Variants in BRCA1 observed in about 807,000 individuals in gnomAD.
BRCA1 encodes breast cancer type 1 susceptibility protein.
In BRCA1, 140 loss-of-function variants were observed where a neutral mutation model predicts 173.7. The ratio of observed to expected loss-of-function variants is 0.81; its 90% CI spans 0.70 to 0.93. The LOEUF (loss-of-function observed/expected upper bound fraction) is 0.93. BRCA1 is among the 40% of genes least tolerant of loss of function. The pLI, the probability that BRCA1 is intolerant of heterozygous loss-of-function variation, is 0.00. For synonymous variants in BRCA1, 662 were observed against 756.0 expected (o/e 0.88, Z 2.04); for missense variants, 1,983 against 2,172.5 (o/e 0.91, Z 1.73).
In BRCA1 at chr17:43,045,172, G is replaced by A. The variant is rs2152376911; in HGVS notation, c.*506C>T. The A allele has an allele frequency of 1.9e-6, 1 of 535,406 alleles. No homozygotes were observed. Among genetic ancestry groups the A allele is most frequent in the Admixed American group, 2.2e-5 (1 of 45,080 alleles). 33.2% of individuals were successfully genotyped at this position (535,406 alleles called of 1,614,324 possible). A position where few individuals can be genotyped will look rare whatever the true frequency, so the allele number is the denominator to read the frequency against. ...TCCCCAATGTTCCACTCCAACATTT[G>A]AGAACTGCCCAAGGACTATTCTGAC... On this transcript the variant is annotated 3_prime_UTR_variant, in exon 23 of 23. Transcript: ENST00000357654.
Position 43,094,492 on chromosome 17 carries a change from G to A in BRCA1, c.1039C>T (p.Leu347=), listed in dbSNP as rs1378561919. The change falls in exon 10 of 23, where the codon CTG becomes TTG. Residue 347 remains leucine, a synonymous_variant. Transcript: ENST00000357654. ...TTATTCCATTCTTTTCTCTCACACA[G>A]GGGATCAGCATTCAGATCTACCTTT... ...EKKVDLNADP[L]CERKEWNKQK... 6.2e-7 allele frequency: 1 copy of A among 1,613,950 alleles called. No individual in the cohort carries two copies.
At chr17:43,134,527 G>A (rs1410628124) in intron 1 of BRCA1, among the ~76,000 whole-genome samples, 2 of 152,208 alleles carry the variant, frequency 1.3e-5, no homozygotes, top group South Asian at 2.1e-4. Context: ...AGCCACCAAG[G>A]ATCATGCTGT....
chr17:43,114,943 AAT>A (rs1416197409), intron 3 of BRCA1, among the ~76,000 whole-genome samples: 2 of 152,198 alleles, frequency 1.3e-5, no homozygotes, highest in Non-Finnish European at 2.9e-5. Context: ...CAAATACGTA[AAT>A]ATAACTTGAA....
chr17:43,164,126 T>C (rs1431762676), intron 1 of BRCA1: 2 of 152,238 alleles, frequency 1.3e-5, no homozygotes, highest in East Asian at 1.9e-4. Context: ...ATTTGCATCT[T>C]GGTATCCTGT....
In BRCA1 at chr17:43,045,548, G is replaced by A; in HGVS notation, c.*130C>T. The A allele has an allele frequency of 1.4e-6, 2 of 1,381,230 alleles. No individual in the cohort carries two copies. Among genetic ancestry groups the A allele is most frequent in the Non-Finnish European group, 2.0e-6 (2 of 990,450 alleles). The allele number at this position is 1,381,230 out of a possible 1,614,324, so 85.6% of individuals were successfully genotyped here. On this transcript the variant is annotated 3_prime_UTR_variant, in exon 23 of 23. Transcript: ENST00000357654. ...AGCCAGAAGTCCTTTTCAGGCTGATGTACATAAAATATTTAGTAGCCAGGA... is the reference window on the plus strand; with the variant it reads ...AGCCAGAAGTCCTTTTCAGGCTGATATACATAAAATATTTAGTAGCCAGGA...
chr17:43,118,085 A>G (rs1176535184), intron 2 of BRCA1, among the ~76,000 whole-genome samples: 1 of 151,970 alleles, frequency 6.6e-6, no homozygotes, highest in African/African-American at 2.4e-5. Flanking sequence ...TGAGATGTAC[A>G]TGGGGGGAGT....
intron 1 of BRCA1, among the ~76,000 whole-genome samples, chr17:43,137,358 A>T (rs1157372435): frequency 6.6e-6 from 1 of 151,810 alleles, no homozygotes; most frequent in Admixed American, 6.6e-5. Flanking sequence ...GCACACCAAC[A>T]TGACACGTGT....
intron 12 of BRCA1, among the ~76,000 whole-genome samples, chr17:43,081,627 A>G (rs1039960081): frequency 2.0e-5 from 3 of 152,128 alleles, no homozygotes; most frequent in African/African-American, 7.2e-5. Context: ...AGCATCTCCT[A>G]TGTGTCTGTT....
At position 43,123,349 on chromosome 17, in the gene BRCA1, GTT is replaced by G. The variant is rs149379936; in HGVS notation, c.80+666_80+667del. Among the ~76,000 whole-genome samples the G allele has an allele frequency of 3.0e-3, 254 of 85,162 alleles. 1 individual carries two copies. The highest frequency in any genetic ancestry group is 0.014 in the African/African-American group (238 of 17,096). The allele number at this position is 85,162 out of a possible 152,430, so 55.9% of individuals were successfully genotyped here. ...CCTCTCAACGACACCGATCATCCATGTTTTTTTTTTTTTTTTTTTTTTTTTGA... is the reference window on the plus strand; with the variant it reads ...CCTCTCAACGACACCGATCATCCATGTTTTTTTTTTTTTTTTTTTTTTTGA... On this transcript the variant is annotated intron_variant, in intron 2 of 22. Coordinates refer to ENST00000357654, the MANE Select transcript of BRCA1 (RefSeq NM_007294.4).
intron 2 of BRCA1, among the ~76,000 whole-genome samples, chr17:43,119,833 T>C (rs1178536858): frequency 1.3e-5 from 2 of 152,220 alleles, no homozygotes; most frequent in African/African-American, 4.8e-5. Flanking sequence ...TATTTCAGTA[T>C]GGTAATTATA....
chr17:43,070,731 T>C (rs2052343262), intron 15 of BRCA1, among the ~76,000 whole-genome samples, 197 bp downstream of exon 15: 2 of 152,226 alleles, frequency 1.3e-5, no homozygotes. Flanking sequence ...CAAGTAAATA[T>C]ACATAAAATA....
chr17:43,048,197 A>ATT (rs1415136020), intron 21 of BRCA1, among the ~76,000 whole-genome samples: 20 of 150,142 alleles, frequency 1.3e-4, no homozygotes, highest in African/African-American at 4.6e-4. Flanking sequence ...CCAGCCCATC[A>ATT]TTTCTCTCTC....
chr17:43,051,156 A>G, intron 19 of BRCA1, 39 bp from the exon 20 acceptor site: 1 of 1,562,486 alleles, frequency 6.4e-7, no homozygotes, highest in South Asian at 1.1e-5. Context: ...AGGGGAATGG[A>G]GAGAAGGAAA....
intron 3 of BRCA1, 149 bp downstream of exon 3, chr17:43,115,577 T>G: frequency 2.7e-6 from 2 of 736,318 alleles, no homozygotes; most frequent in Middle Eastern, 3.4e-4. Flanking sequence ...GATAACTATA[T>G]ACTCTCTGAG....
At chr17:43,119,276 GAA>G (rs61461583) in intron 2 of BRCA1, 227 of 188,336 alleles carry the variant, frequency 1.2e-3, no homozygotes, top group East Asian at 2.0e-3. Context: ...CTCAAAAAAA[GAA>G]AAAAAAAAAA....
At position 43,045,202 on chromosome 17, in the gene BRCA1, A is replaced by T. The variant is rs1246414299; in HGVS notation, c.*476T>A. ...CTGCCCAAGGACTATTCTGACTTTA[A>T]GTCACATAATCGATCCCAAGCACTC... On this transcript the variant is annotated 3_prime_UTR_variant, in exon 23 of 23. Transcript: ENST00000357654. 3 of 536,750 alleles carry T rather than the reference A, an allele frequency of 5.6e-6. No individual in the cohort carries two copies. The highest frequency in any genetic ancestry group is 4.6e-5 in the South Asian group (3 of 65,194). The allele number at this position is 536,750 out of a possible 1,614,324, so 33.2% of individuals were successfully genotyped here. A position where few individuals can be genotyped will look rare whatever the true frequency, so the allele number is the denominator to read the frequency against.
intron 1 of BRCA1, among the ~76,000 whole-genome samples, chr17:43,137,925 A>T (rs1486706996): frequency 1.3e-5 from 2 of 151,796 alleles, no homozygotes; most frequent in East Asian, 3.9e-4. Context: ...GGTGTCTCGC[A>T]CCTGTAATCC....
At chr17:43,066,116 T>G (rs925936773) in intron 16 of BRCA1, among the ~76,000 whole-genome samples, 1 of 152,206 alleles carries the variant, frequency 6.6e-6, no homozygotes, top group Non-Finnish European at 1.5e-5. Context: ...GAGCCTCTGC[T>G]TGTGTTAATA....
At chr17:43,113,095 G>C (rs2055114320) in intron 3 of BRCA1, among the ~76,000 whole-genome samples, 1 of 152,168 alleles carries the variant, frequency 6.6e-6, no homozygotes, top group African/African-American at 2.4e-5. Flanking sequence ...GAGCCACCGT[G>C]CCCGGCCTCA....
Sources: gnomAD v4.1 joint callset for allele counts (sites outside exome capture counted in the v4.1 genomes callset) on GRCh38, gnomAD v4.1.1 for gene constraint, MANE v1.5 for transcripts, NCBI Gene and HGNC (gene_info 2026-07-23, HGNC 2026-07-21) for gene names.